The following STK17B variants were observed in gnomAD, a reference collection of about 807,000 sequenced individuals.
The protein encoded by STK17B is serine/threonine-protein kinase 17B.
STK17B carries 21 observed loss-of-function variants against 42.0 expected under a neutral mutation model. The observed-to-expected ratio is 0.50, with a 90% CI of 0.35 to 0.72. STK17B has a LOEUF of 0.72. Among genes scored for constraint, STK17B ranks in the 30% least tolerant of loss-of-function variants. The pLI, the probability that STK17B is intolerant of heterozygous loss-of-function variation, is 0.00. For synonymous variants in STK17B, 143 were observed against 148.4 expected, an observed-to-expected ratio of 0.96 and a Z score of 0.26; for missense variants, 349 against 446.0, an observed-to-expected ratio of 0.78 and a Z score of 1.96.
At chr2:196,138,283 AT>A (rs1399199440) in intron 7 of STK17B, among the ~76,000 whole-genome samples, 1 of 152,190 alleles carries the variant, frequency 6.6e-6, no homozygotes, top group Non-Finnish European at 1.5e-5. Flanking sequence ...AATTTGCTTT[AT>A]TACTCAATAA....
At position 196,157,733 on chromosome 2, in the gene STK17B, C is replaced by T. The variant is rs577153341; in HGVS notation, c.123-1082G>A. On this transcript the variant is annotated intron_variant, in intron 2 of 7. Coordinates refer to ENST00000263955, the MANE Select transcript of STK17B (RefSeq NM_004226.4). Reference sequence around the variant, plus strand: ...GTATGCTTTTAGCTCTCTCCAATGGCAGTGCTTAGTACCTCTGCCAAAATT... The same window carrying T: ...GTATGCTTTTAGCTCTCTCCAATGGTAGTGCTTAGTACCTCTGCCAAAATT... Among the ~76,000 whole-genome samples the T allele has an allele frequency of 9.9e-5, 15 of 152,150 alleles. 2 individuals carry two copies. The South Asian group carries it at 3.1e-3, about 32-fold the overall frequency.
chr2:196,171,984 A>G (rs1699954471), upstream of STK17B, among the ~76,000 whole-genome samples: 2 of 152,224 alleles, frequency 1.3e-5, no homozygotes, highest in South Asian at 4.1e-4. Context: ...GCCTGCGACT[A>G]GTTACCAAAC....
intron 1 of STK17B, chr2:196,170,898 C>G (rs1183069715): frequency 1.3e-5 from 2 of 152,248 alleles, no homozygotes; most frequent in Admixed American, 6.5e-5. Context: ...AACGCGCCCA[C>G]GCCGCAGCTG....
chr2:196,169,123 C>T (rs542182812), intron 1 of STK17B, among the ~76,000 whole-genome samples: 1 of 140,108 alleles, frequency 7.1e-6, no homozygotes, highest in South Asian at 2.2e-4. Context: ...GTTGCCCAGG[C>T]TGGAGTGCAG....
chr2:196,166,818 A>G (rs1699879642), intron 1 of STK17B, among the ~76,000 whole-genome samples: 1 of 152,232 alleles, frequency 6.6e-6, no homozygotes. Flanking sequence ...TCTATTTTAA[A>G]AAGTATTTAT....
intron 3 of STK17B, among the ~76,000 whole-genome samples, chr2:196,146,969 C>T (rs10182983): frequency 0.64 from 97,587 of 151,926 alleles, 31,647 homozygotes; most frequent in East Asian, 0.9. Flanking sequence ...GAAAAAGGCA[C>T]AGTGAAAAAT....
intron 3 of STK17B, among the ~76,000 whole-genome samples, chr2:196,151,866 G>T (rs1260562416): frequency 6.6e-6 from 1 of 152,054 alleles, no homozygotes; most frequent in Non-Finnish European, 1.5e-5. Context: ...CTTCATAACT[G>T]GCAATGAAAT....
At chr2:196,167,041 T>C (rs1394178149) in intron 1 of STK17B, among the ~76,000 whole-genome samples, 2 of 152,198 alleles carry the variant, frequency 1.3e-5, no homozygotes, top group Non-Finnish European at 2.9e-5. Flanking sequence ...ATATTTCATA[T>C]TTTGCCACCA....
Position 196,139,679 on chromosome 2 carries a change from A to G in STK17B, c.777T>C (p.Phe259=). ...QVNVDYSEET[F]SSVSQLATDF... Reference sequence around the variant, plus strand: ...CTGTGGCCAGCTGTGAAACTGATGAAAAAGTTTCTTCCGAATAATCTACAT... The same window carrying G: ...CTGTGGCCAGCTGTGAAACTGATGAGAAAGTTTCTTCCGAATAATCTACAT... The change falls in exon 7 of 8, where the codon TTT becomes TTC. Residue 259 remains phenylalanine (F), a synonymous_variant. Coordinates refer to ENST00000263955, the MANE Select transcript of STK17B (RefSeq NM_004226.4). 2 of 1,473,642 alleles carry G rather than the reference A, an allele frequency of 1.4e-6. No homozygotes were observed. The highest frequency in any genetic ancestry group is 2.5e-5 in the East Asian group (1 of 39,642). 91.3% of individuals were successfully genotyped at this position (1,473,642 alleles called of 1,614,324 possible).
chr2:196,156,579 T>A lies in STK17B; in HGVS notation c.195A>T (p.Lys65Asn). The A allele has an allele frequency of 1.2e-6, 2 of 1,614,114 alleles. No homozygotes were observed. Among genetic ancestry groups the A allele is most frequent in the Non-Finnish European group, 1.7e-6 (2 of 1,179,990 alleles). The change falls in exon 3 of 8, where the codon AAA (lysine) becomes AAT (asparagine). Residue 65 changes from lysine (K) to asparagine (N), a missense_variant. By Grantham distance (94) the Lys-to-Asn change is moderately conservative. This residue lies in a region of STK17B where 256 missense variants were observed against 347.7 expected (regional missense o/e 0.74). Transcript: ENST00000263955. ...GACAATCCTGTCCTCTTCTTCTCTT[T>A]TTTAGAAATTTTGCAGCATATTCTT... The part of the protein sequence containing the change: ...TGQEYAAKFL[K>N]KRRRGQDCRA...
chr2:196,146,906 A>G (rs867127218), intron 3 of STK17B, among the ~76,000 whole-genome samples: 1 of 152,204 alleles, frequency 6.6e-6, no homozygotes, highest in Non-Finnish European at 1.5e-5. Context: ...TTGGGGCCAG[A>G]ACACAAATAA....
At chr2:196,164,967 C>G (rs952806645) in intron 1 of STK17B, among the ~76,000 whole-genome samples, 52 of 152,240 alleles carry the variant, frequency 3.4e-4, no homozygotes, top group African/African-American at 1.2e-3. Context: ...AACCTTTAGA[C>G]TGAAAGACAC....
intron 3 of STK17B, among the ~76,000 whole-genome samples, chr2:196,147,605 TTC>T (rs1443653010): frequency 6.6e-6 from 1 of 150,978 alleles, no homozygotes; most frequent in Non-Finnish European, 1.5e-5. Context: ...GCTTTACACT[TTC>T]TGACTTTGCA....
chr2:196,168,499 A>T (rs997671237), intron 1 of STK17B, among the ~76,000 whole-genome samples: 1 of 152,186 alleles, frequency 6.6e-6, no homozygotes, highest in African/African-American at 2.4e-5. Context: ...TACAATGCAA[A>T]ATGGAATCTG....
intron 3 of STK17B, among the ~76,000 whole-genome samples, chr2:196,146,529 T>C (rs952816371): frequency 1.3e-5 from 2 of 151,936 alleles, no homozygotes. Context: ...AGAAAATAAG[T>C]GATGAGACTA....
Position 196,137,543 on chromosome 2 carries a change from CTCT to C in STK17B, c.1020_1022del (p.Glu341del). The C allele has an allele frequency of 6.2e-7, 1 of 1,614,118 alleles. No individual in the cohort carries two copies. The highest frequency in any genetic ancestry group is 8.5e-7 in the Non-Finnish European group (1 of 1,179,990). On this transcript the variant is annotated inframe_deletion, in exon 8 of 8. Transcript: ENST00000263955. Reference sequence around the variant, plus strand: ...CCATGCTGCTATCCTCTGGGATATTCTCTTTGTCTTCTCTATCACCACAGGTTC... The same window carrying C: ...CCATGCTGCTATCCTCTGGGATATTCTTGTCTTCTCTATCACCACAGGTTC...
chr2:196,139,886 C>A lies in STK17B; in HGVS notation c.657-87G>T, dbSNP rs148932630. ...CAATCGACATTCAACATACTCCTCTCCTCAAAACTGGTACGGTTAAACTAC... is the reference window on the plus strand; with the variant it reads ...CAATCGACATTCAACATACTCCTCTACTCAAAACTGGTACGGTTAAACTAC... On this transcript the variant is annotated intron_variant, in intron 6 of 7. Coordinates refer to ENST00000263955, the MANE Select transcript of STK17B (RefSeq NM_004226.4). 4.1e-6 allele frequency: 4 copies of A among 973,924 alleles called. No individual in the cohort carries two copies. The African/African-American group carries it at 6.7e-5, about 16-fold the overall frequency. The allele number at this position is 973,924 out of a possible 1,614,324, so 60.3% of individuals were successfully genotyped here.
chr2:196,149,252 G>A lies in STK17B; in HGVS notation c.336-3197C>T, dbSNP rs187338422. On this transcript the variant is annotated intron_variant, in intron 3 of 7. Transcript: ENST00000263955. ...AATCTCTACTCACCGCAACCTCCCC[G>A]TCCTGGGTTCAAGCAATTCTCCTGC... is the stretch of plus-strand genomic sequence containing the variant. 7.8e-4 allele frequency among the ~76,000 whole-genome samples: 117 copies of A among 150,168 alleles called. 1 individual carries two copies. Among genetic ancestry groups the A allele is most frequent in the African/African-American group, 2.7e-3 (111 of 40,752 alleles).
chr2:196,164,931 G>T (rs1699858553), intron 1 of STK17B, among the ~76,000 whole-genome samples: 1 of 152,154 alleles, frequency 6.6e-6, no homozygotes, highest in Non-Finnish European at 1.5e-5. Flanking sequence ...AGGAGTCAAA[G>T]GGTTGTAGTG....
Sources: allele counts gnomAD v4.1 joint callset (sites outside exome capture counted in the v4.1 genomes callset), GRCh38; gene constraint gnomAD v4.1.1; regional missense constraint gnomAD v4.1.1; transcripts MANE v1.5; gene names NCBI Gene and HGNC (gene_info 2026-07-23, HGNC 2026-07-21).